Variants in MCTP2 observed in about 807,000 individuals in gnomAD.
MCTP2 encodes multiple C2 and transmembrane domain containing 2.
A neutral mutation model predicts 111.6 loss-of-function variants in MCTP2; 132 were observed. The ratio of observed to expected loss-of-function variants is 1.18; its 90% CI spans 1.03 to 1.37. The LOEUF (loss-of-function observed/expected upper bound fraction) is 1.37, where lower values mean the gene tolerates loss of function less well. Ranked by LOEUF, MCTP2 falls within the 40% of genes most tolerant of loss-of-function variation. MCTP2 has a pLI of 0.00. For synonymous variants in MCTP2, 395 were observed against 387.7 expected (o/e 1.02, Z -0.22); for missense variants, 1,183 against 1,067.9 (o/e 1.11, Z -1.50).
chr15:94,346,811 G>A (rs897970833), intron 8 of MCTP2, among the ~76,000 whole-genome samples: 1 of 151,946 alleles, frequency 6.6e-6, no homozygotes, highest in African/African-American at 2.4e-5. Context: ...GACGGCCTGG[G>A]TGAAGTTATC....
intron 21 of MCTP2, among the ~76,000 whole-genome samples, chr15:94,472,406 A>C (rs1177252418): frequency 6.6e-6 from 1 of 152,142 alleles, no homozygotes; most frequent in Non-Finnish European, 1.5e-5. Context: ...AAAACGAAAA[A>C]GACAAATACT....
At chr15:94,245,011 C>G (rs956868889) in intron 1 of MCTP2, among the ~76,000 whole-genome samples, 1 of 147,652 alleles carries the variant, frequency 6.8e-6, no homozygotes, top group Non-Finnish European at 1.5e-5. Context: ...TATATGTATA[C>G]ACATACATAT....
chr15:94,460,430 A>T (rs751557479), intron 20 of MCTP2, among the ~76,000 whole-genome samples: 1 of 152,114 alleles, frequency 6.6e-6, no homozygotes, highest in Non-Finnish European at 1.5e-5. Flanking sequence ...GTGCCTAGAG[A>T]TGAGGCATGT....
chr15:94,467,291 C>T (rs114569377), intron 20 of MCTP2, among the ~76,000 whole-genome samples: 2,224 of 152,046 alleles, frequency 0.015, 68 homozygotes, highest in African/African-American at 0.049. Context: ...TTTGTTGCCA[C>T]CTAGCTATGG....
intron 17 of MCTP2, among the ~76,000 whole-genome samples, chr15:94,423,943 C>T (rs1007044049): frequency 6.6e-6 from 1 of 152,222 alleles, no homozygotes; most frequent in Admixed American, 6.5e-5. Flanking sequence ...CACTTACAAA[C>T]TGAACATTTT....
intron 1 of MCTP2, among the ~76,000 whole-genome samples, chr15:94,267,245 A>G (rs1339767450): frequency 6.6e-6 from 1 of 152,144 alleles, no homozygotes; most frequent in Non-Finnish European, 1.5e-5. Flanking sequence ...CTTAGCAAGC[A>G]TTGGTCTTAT....
chr15:94,286,254 G>T (rs1415986801), intron 1 of MCTP2, among the ~76,000 whole-genome samples: 1 of 152,098 alleles, frequency 6.6e-6, no homozygotes, highest in Non-Finnish European at 1.5e-5. Context: ...TTAAAGTGCA[G>T]AATAATCTGT....
intron 12 of MCTP2, among the ~76,000 whole-genome samples, chr15:94,378,550 A>G (rs1457474447): frequency 6.6e-6 from 1 of 152,208 alleles, no homozygotes; most frequent in East Asian, 1.9e-4. Flanking sequence ...ACAAATAAAA[A>G]GGAAACTTTC....
At chr15:94,404,993 G>A (rs180746658) in intron 17 of MCTP2, among the ~76,000 whole-genome samples, 3 of 152,304 alleles carry the variant, frequency 2.0e-5, no homozygotes, top group Non-Finnish European at 4.4e-5. Context: ...CCAACTGCTC[G>A]CCTTGGCATG....
In MCTP2 at chr15:94,417,719, C is replaced by T. The variant is rs548786531; in HGVS notation, c.2085+15700C>T. Among the ~76,000 whole-genome samples the T allele has an allele frequency of 9.2e-5, 14 of 152,184 alleles. 1 individual carries two copies. The South Asian group carries it at 2.7e-3, about 29-fold the overall frequency. On this transcript the variant is annotated intron_variant, in intron 17 of 22. Coordinates refer to ENST00000357742, the MANE Select transcript of MCTP2 (RefSeq NM_001385001.1). ...AGTATGTGTGGCTCTGATACAAGCA[C>T]AATTTTGCTTTTCAATTAAGCAAAT...
Position 94,244,932 on chromosome 15 carries a change from A to G in MCTP2, c.-66+13268A>G, listed in dbSNP as rs535704724. ...CACCTATGTTTATATACGTATATGT[A>G]TACACATACATATGCACCTGTTTAT... On this transcript the variant is annotated intron_variant, in intron 1 of 22. Coordinates refer to ENST00000357742, the MANE Select transcript of MCTP2 (RefSeq NM_001385001.1). Among the ~76,000 whole-genome samples the G allele has an allele frequency of 1.5e-4, 21 of 142,248 alleles. 1 individual carries two copies. Among genetic ancestry groups the G allele is most frequent in the African/African-American group, 2.9e-4 (11 of 38,240 alleles). 93.3% of individuals were successfully genotyped at this position (142,248 alleles called of 152,430 possible).
At chr15:94,251,535 T>A (rs969586086) in intron 1 of MCTP2, among the ~76,000 whole-genome samples, 6 of 152,028 alleles carry the variant, frequency 3.9e-5, no homozygotes, top group African/African-American at 1.5e-4. Flanking sequence ...ATTTTTGTAT[T>A]TTTAGTAGAG....
intron 17 of MCTP2, among the ~76,000 whole-genome samples, chr15:94,431,220 G>C (rs2083170414): frequency 6.6e-6 from 1 of 152,152 alleles, no homozygotes; most frequent in African/African-American, 2.4e-5. Context: ...TAGTTTGAAT[G>C]GCCCAGGGAT....
At chr15:94,412,231 G>A (rs571084266) in intron 17 of MCTP2, among the ~76,000 whole-genome samples, 4 of 151,512 alleles carry the variant, frequency 2.6e-5, no homozygotes, top group African/African-American at 9.7e-5. Flanking sequence ...CATAAACTTT[G>A]AAATTACGGT....
chr15:94,361,054 T>G (rs2078905329), intron 10 of MCTP2, among the ~76,000 whole-genome samples: 1 of 150,142 alleles, frequency 6.7e-6, no homozygotes, highest in Non-Finnish European at 1.5e-5. Context: ...TTATGGTTCC[T>G]TCTTCCTGGC....
At chr15:94,236,763 A>G (rs1439912039) in intron 1 of MCTP2, among the ~76,000 whole-genome samples, 2 of 152,182 alleles carry the variant, frequency 1.3e-5, no homozygotes, top group Non-Finnish European at 2.9e-5. Context: ...TTGTAGTGCA[A>G]TGTTATGGGA....
chr15:94,356,734 T>A (rs1329969511), intron 9 of MCTP2, among the ~76,000 whole-genome samples: 1 of 152,230 alleles, frequency 6.6e-6, no homozygotes, highest in African/African-American at 2.4e-5. Flanking sequence ...ACGCCAAAAA[T>A]AGTATCTAGT....
intron 4 of MCTP2, among the ~76,000 whole-genome samples, chr15:94,317,122 C>T (rs1359056173): frequency 6.6e-6 from 1 of 152,158 alleles, no homozygotes; most frequent in African/African-American, 2.4e-5. Flanking sequence ...AATCCCATCC[C>T]TTTTTGAGAA....
chr15:94,378,312 A>G (rs1179334031), intron 12 of MCTP2, among the ~76,000 whole-genome samples: 3 of 152,102 alleles, frequency 2.0e-5, no homozygotes, highest in Admixed American at 6.6e-5. Flanking sequence ...GCTTGAGCCC[A>G]GGGGTTCCAG....
Sources: gnomAD v4.1 joint callset for allele counts (sites outside exome capture counted in the v4.1 genomes callset) on GRCh38, gnomAD v4.1.1 for gene constraint, MANE v1.5 for transcripts, NCBI Gene and HGNC (gene_info 2026-07-23, HGNC 2026-07-21) for gene names.